The following EPHA7 variants were observed in gnomAD, a reference collection of about 807,000 sequenced individuals.
EPHA7 encodes the protein ephrin type-A receptor 7.
Under a neutral mutation model 112.6 loss-of-function variants are expected in EPHA7, and 25 were observed. That is an observed-to-expected ratio of 0.22 (90% CI 0.16 to 0.31). EPHA7 has a LOEUF of 0.31. Among genes scored for constraint, EPHA7 ranks in the 10% least tolerant of loss-of-function variants. The pLI, the probability that EPHA7 is intolerant of heterozygous loss-of-function variation, is 1.00. For synonymous variants in EPHA7, 437 were observed against 406.5 expected (o/e 1.07, Z -0.90); for missense variants, 962 against 1,212.6 (o/e 0.79, Z 3.07).
intron 5 of EPHA7, among the ~76,000 whole-genome samples, chr6:93,335,682 CCTAT>C (rs1308520767): frequency 6.6e-6 from 1 of 151,776 alleles, no homozygotes; most frequent in Non-Finnish European, 1.5e-5. Context: ...TAATCCCATT[CCTAT>C]CTATCTATAA....
chr6:93,416,803 A>G (rs1190949414), intron 1 of EPHA7, among the ~76,000 whole-genome samples: 3 of 150,776 alleles, frequency 2.0e-5, no homozygotes, highest in African/African-American at 7.3e-5. Flanking sequence ...GAGAGGGGCT[A>G]GACTGGGGGC....
At chr6:93,370,218 T>G (rs7776154) in intron 3 of EPHA7, among the ~76,000 whole-genome samples, 3,615 of 152,290 alleles carry the variant, frequency 0.024, 140 homozygotes, top group African/African-American at 0.082. Context: ...CTGAGAATTA[T>G]AAGTTATAAC....
chr6:93,279,118 C>T (rs1165927579), intron 5 of EPHA7, among the ~76,000 whole-genome samples: 7 of 152,048 alleles, frequency 4.6e-5, no homozygotes, highest in Non-Finnish European at 5.9e-5. Context: ...AGCGTGAAAA[C>T]TGACACTCCC....
rs540452773 is a variant in EPHA7 at position 93,252,263 on chromosome 6, T to C, written c.2532+2384A>G. ...TTGTTTTCTTGTGTCTTGTAAAAAATCTTTTAAAATCTGAGGCATTTAAAA... is the reference window on the plus strand; with the variant it reads ...TTGTTTTCTTGTGTCTTGTAAAAAACCTTTTAAAATCTGAGGCATTTAAAA... On this transcript the variant is annotated intron_variant, in intron 14 of 16. Coordinates refer to ENST00000369303, the MANE Select transcript of EPHA7 (RefSeq NM_004440.4). Among the ~76,000 whole-genome samples the C allele has an allele frequency of 3.1e-3, 468 of 152,092 alleles. 4 individuals carry two copies. The highest frequency in any genetic ancestry group is 0.011 in the African/African-American group (450 of 41,546).
intron 3 of EPHA7, among the ~76,000 whole-genome samples, chr6:93,374,391 T>C (rs545565644): frequency 6.6e-6 from 1 of 152,268 alleles, no homozygotes; most frequent in South Asian, 2.1e-4. Context: ...GCTGAGTACA[T>C]TATACCCTCA....
At chr6:93,263,790 T>C (rs2127867592) in intron 9 of EPHA7, 70 bp downstream of exon 9, 1 of 1,279,216 alleles carries the variant, frequency 7.8e-7, no homozygotes, top group Non-Finnish European at 1.1e-6. Flanking sequence ...ACTTTGTTAA[T>C]GCCAATGCTA....
chr6:93,383,603 T>TA (rs1229974380), intron 3 of EPHA7, among the ~76,000 whole-genome samples: 1 of 152,178 alleles, frequency 6.6e-6, no homozygotes, highest in African/African-American at 2.4e-5. Context: ...TTATTTGTCA[T>TA]AAAAATGTAA....
intron 5 of EPHA7, among the ~76,000 whole-genome samples, chr6:93,275,967 C>A (rs1004292065): frequency 6.6e-6 from 1 of 151,898 alleles, no homozygotes; most frequent in Non-Finnish European, 1.5e-5. Context: ...CCTCCCTCTA[C>A]CCCCTGCCAA....
chr6:93,352,578 A>C (rs1370870916), intron 5 of EPHA7, among the ~76,000 whole-genome samples: 2 of 152,096 alleles, frequency 1.3e-5, no homozygotes, highest in African/African-American at 4.8e-5. Context: ...CAACATTATA[A>C]TAAAGTGTTC....
rs1769765634 is a variant in EPHA7 at position 93,243,364 on chromosome 6, T to C, written c.*62A>G. The C allele has an allele frequency of 8.0e-7, 1 of 1,245,734 alleles. No homozygotes were observed. Among genetic ancestry groups the C allele is most frequent in the Non-Finnish European group, 1.2e-6 (1 of 851,356 alleles). 77.2% of individuals were successfully genotyped at this position (1,245,734 alleles called of 1,614,324 possible). On this transcript the variant is annotated 3_prime_UTR_variant, in exon 17 of 17. Transcript: ENST00000369303. ...GTCTTCTAGCAGCATTCTATGCATATACTGAAGGCCAGTACTGTTCTCTTG... is the reference window on the plus strand; with the variant it reads ...GTCTTCTAGCAGCATTCTATGCATACACTGAAGGCCAGTACTGTTCTCTTG...
intron 10 of EPHA7, 131 bp downstream of exon 10, chr6:93,259,223 C>T: frequency 1.8e-6 from 2 of 1,087,768 alleles, no homozygotes; most frequent in Non-Finnish European, 2.6e-6. Flanking sequence ...TACAGCCTCA[C>T]TGCTTCCAAC....
intron 3 of EPHA7, among the ~76,000 whole-genome samples, chr6:93,398,881 G>A (rs930678480): frequency 1.3e-5 from 2 of 152,004 alleles, no homozygotes; most frequent in African/African-American, 4.8e-5. Flanking sequence ...GTGCTAAATA[G>A]TGAACTTTAA....
intron 5 of EPHA7, among the ~76,000 whole-genome samples, chr6:93,328,359 C>T (rs1562099573): frequency 6.6e-6 from 1 of 151,362 alleles, no homozygotes; most frequent in East Asian, 1.9e-4. Context: ...ACAGAGATTT[C>T]TTTTTTTGTC....
At chr6:93,416,132 A>G (rs535009495) in intron 1 of EPHA7, among the ~76,000 whole-genome samples, 2 of 152,294 alleles carry the variant, frequency 1.3e-5, no homozygotes, top group Non-Finnish European at 2.9e-5. Context: ...CTCCCTTTCA[A>G]ATGAGAAACA....
At chr6:93,307,852 T>C (rs1773335711) in intron 5 of EPHA7, among the ~76,000 whole-genome samples, 1 of 152,182 alleles carries the variant, frequency 6.6e-6, no homozygotes, top group Non-Finnish European at 1.5e-5. Context: ...GAAGATTTAG[T>C]AATAATGAGA....
intron 5 of EPHA7, among the ~76,000 whole-genome samples, chr6:93,346,902 T>G (rs1249437581): frequency 6.6e-6 from 1 of 151,850 alleles, no homozygotes; most frequent in Non-Finnish European, 1.5e-5. Flanking sequence ...AAATATTATT[T>G]TAGTAGATGA....
At chr6:93,333,988 A>G (rs1349091474) in intron 5 of EPHA7, among the ~76,000 whole-genome samples, 4 of 151,958 alleles carry the variant, frequency 2.6e-5, no homozygotes, top group Non-Finnish European at 5.9e-5. Flanking sequence ...CTTACTCAGG[A>G]CAATTCTAGG....
chr6:93,311,112 C>CTTTTTTTTTTT (rs1434719790), intron 5 of EPHA7, among the ~76,000 whole-genome samples: 2 of 71,012 alleles, frequency 2.8e-5, no homozygotes, highest in South Asian at 3.8e-4. Flanking sequence ...TCATGCCCAG[C>CTTTTTTTTTTT]TATTTTTTTT....
intron 8 of EPHA7, 30 bp from the exon 9 acceptor site, chr6:93,263,945 A>T (rs756832009): frequency 1.3e-6 from 2 of 1,580,706 alleles, no homozygotes; most frequent in African/African-American, 2.7e-5. Flanking sequence ...TGACAATCTC[A>T]GTCATTTTAC....
Sources: allele counts gnomAD v4.1 joint callset (sites outside exome capture counted in the v4.1 genomes callset), GRCh38; gene constraint gnomAD v4.1.1; transcripts MANE v1.5; gene names NCBI Gene and HGNC (gene_info 2026-07-23, HGNC 2026-07-21).